Variants in CDH7 observed in about 807,000 individuals in gnomAD.
CDH7 encodes the protein cadherin 7.
Under a neutral mutation model 71.8 loss-of-function variants are expected in CDH7, and 25 were observed. That is an observed-to-expected ratio of 0.35 (90% CI 0.25 to 0.49). CDH7 has a LOEUF of 0.49. Ranked by LOEUF, CDH7 falls within the 20% of genes least tolerant of loss-of-function variation. The pLI, the probability that CDH7 is intolerant of heterozygous loss-of-function variation, is 0.99. For synonymous variants in CDH7, 381 were observed against 363.8 expected, an observed-to-expected ratio of 1.05 and a Z score of -0.54; for missense variants, 862 against 974.6, an observed-to-expected ratio of 0.88 and a Z score of 1.54.
intron 1 of CDH7, among the ~76,000 whole-genome samples, chr18:65,762,294 A>G (rs1490830803): frequency 6.6e-6 from 1 of 152,010 alleles, no homozygotes. Flanking sequence ...AATATAAAAG[A>G]AAAAAAATAA....
chr18:65,821,133 A>AAAC (rs1167110944), intron 4 of CDH7, among the ~76,000 whole-genome samples: 2 of 24,712 alleles, frequency 8.1e-5, no homozygotes, highest in Non-Finnish European at 4.1e-4. Context: ...ACAAACAAAC[A>AAAC]AAAAAAAAAA....
At chr18:65,792,080 C>A (rs1341990378) in intron 2 of CDH7, among the ~76,000 whole-genome samples, 1 of 151,342 alleles carries the variant, frequency 6.6e-6, no homozygotes, top group Non-Finnish European at 1.5e-5. Context: ...CATGTTAGAT[C>A]TTTTTCTTAA....
chr18:65,794,919 G>A (rs971018034), intron 2 of CDH7, among the ~76,000 whole-genome samples: 3 of 152,064 alleles, frequency 2.0e-5, no homozygotes, highest in South Asian at 2.1e-4. Flanking sequence ...AAGAATTAAA[G>A]GTCCCTTTAC....
intron 3 of CDH7, among the ~76,000 whole-genome samples, chr18:65,812,128 C>T (rs1911566093): frequency 1.3e-5 from 2 of 151,686 alleles, no homozygotes; most frequent in Non-Finnish European, 2.9e-5. Context: ...ACCACCACTC[C>T]CAGCTAATTT....
At chr18:65,870,521 T>C (rs910880608) in intron 11 of CDH7, among the ~76,000 whole-genome samples, 4 of 152,132 alleles carry the variant, frequency 2.6e-5, no homozygotes, top group Admixed American at 6.5e-5. Context: ...ATGTTTCTCA[T>C]GGTCCACAAA....
intron 2 of CDH7, among the ~76,000 whole-genome samples, chr18:65,798,222 CA>C (rs149331859): frequency 0.031 from 4,649 of 152,038 alleles, 251 homozygotes; most frequent in African/African-American, 0.1. Context: ...CATTTGAGAG[CA>C]TGGAAAAATA....
chr18:65,775,969 A>G (rs1909926107), intron 2 of CDH7, among the ~76,000 whole-genome samples: 3 of 152,216 alleles, frequency 2.0e-5, no homozygotes, highest in African/African-American at 7.2e-5. Flanking sequence ...TTTGAAATAT[A>G]GAAAGTATTA....
In CDH7 at chr18:65,859,714, C is replaced by A; in HGVS notation, c.1501C>A (p.Gln501Lys). ...TTACTTTCTCTTTTCCTAGGTTATC[C>A]AGAAAATCAGTGCTGTGGATAAAGA... ...CENAQPGQVI[Q>K]KISAVDKDEP... The change falls in exon 10 of 12, where the codon CAG (glutamine) becomes AAG (lysine). Residue 501 changes from glutamine (Q) to lysine (K), a missense_variant. Gln to Lys is a moderately conservative substitution (Grantham distance 53). Coordinates refer to ENST00000397968, the MANE Select transcript of CDH7 (RefSeq NM_004361.5). 6.3e-7 allele frequency: 1 copy of A among 1,594,140 alleles called. No individual in the cohort carries two copies. The highest frequency in any genetic ancestry group is 8.6e-7 in the Non-Finnish European group (1 of 1,162,050).
chr18:65,823,463 T>C (rs1912012598), intron 5 of CDH7, among the ~76,000 whole-genome samples: 1 of 151,956 alleles, frequency 6.6e-6, no homozygotes. Flanking sequence ...TAGGCCATTA[T>C]AGATCCCTTC....
At chr18:65,795,825 G>C (rs58324021) in intron 2 of CDH7, among the ~76,000 whole-genome samples, 6,766 of 152,138 alleles carry the variant, frequency 0.044, 497 homozygotes, top group African/African-American at 0.15. Flanking sequence ...GAGGGATCCA[G>C]TGGGAGGTAA....
At chr18:65,780,783 T>A (rs1910152147) in intron 2 of CDH7, among the ~76,000 whole-genome samples, 1 of 152,070 alleles carries the variant, frequency 6.6e-6, no homozygotes, top group Non-Finnish European at 1.5e-5. Flanking sequence ...GACTTGGCAA[T>A]GCGGGCTCTT....
intron 2 of CDH7, among the ~76,000 whole-genome samples, chr18:65,804,776 G>A (rs1468967148): frequency 6.6e-6 from 1 of 151,356 alleles, no homozygotes; most frequent in African/African-American, 2.4e-5. Flanking sequence ...AAAAGCTGAG[G>A]AAACAGGAGT....
At chr18:65,860,007 T>C (rs762746177) in intron 10 of CDH7, among the ~76,000 whole-genome samples, 182 bp downstream of exon 10, 2 of 152,202 alleles carry the variant, frequency 1.3e-5, no homozygotes, top group African/African-American at 2.4e-5. Context: ...AGCTGCTATT[T>C]AAATTTTCTT....
At chr18:65,878,247 C>A (rs1321466579) in intron 11 of CDH7, among the ~76,000 whole-genome samples, 3 of 152,176 alleles carry the variant, frequency 2.0e-5, no homozygotes, top group Non-Finnish European at 4.4e-5. Context: ...ACCTTAAAAA[C>A]AAACTGCTCT....
intron 11 of CDH7, among the ~76,000 whole-genome samples, chr18:65,878,190 G>A (rs781479645): frequency 1.5e-4 from 23 of 151,928 alleles, no homozygotes; most frequent in Non-Finnish European, 2.4e-4. Flanking sequence ...TTTAATCTTT[G>A]GTACATATGC....
In CDH7 at chr18:65,859,041, G is replaced by C. The variant is rs1377353310; in HGVS notation, c.1489G>C (p.Gly497Arg). ...ETTVCENAQP[G>R]QVIQKISAVD... The stretch of plus-strand genomic sequence containing the variant: ...CACCGTCTGTGAAAATGCCCAGCCG[G>C]GGCAGGTAAGAGTCTTCAGAACACT... Residue 497 changes from glycine (G) to arginine (R), a missense_variant, in exon 9 of 12, where the codon GGG becomes CGG. Transcript: ENST00000397968. 6.2e-7 allele frequency: 1 copy of C among 1,613,264 alleles called. No homozygotes were observed. Among genetic ancestry groups the C allele is most frequent in the Non-Finnish European group, 8.5e-7 (1 of 1,179,434 alleles).
intron 7 of CDH7, among the ~76,000 whole-genome samples, chr18:65,857,315 TCTATAA>T (rs1356024987): frequency 1.1e-5 from 1 of 93,130 alleles, no homozygotes; most frequent in Non-Finnish European, 2.1e-5. Flanking sequence ...AGACCCTGCA[TCTATAA>T]TAATAATAAT....
At chr18:65,788,335 TG>T (rs1446115652) in intron 2 of CDH7, among the ~76,000 whole-genome samples, 3 of 152,186 alleles carry the variant, frequency 2.0e-5, no homozygotes, top group African/African-American at 7.2e-5. Flanking sequence ...GAAAAATATG[TG>T]GTCATCATCA....
At chr18:65,876,499 C>A (rs1005638801) in intron 11 of CDH7, among the ~76,000 whole-genome samples, 1 of 152,130 alleles carries the variant, frequency 6.6e-6, no homozygotes, top group Non-Finnish European at 1.5e-5. Context: ...TCACCTCTTT[C>A]TTTGCCCTCC....
Sources: gnomAD v4.1 joint callset for allele counts (sites outside exome capture counted in the v4.1 genomes callset) on GRCh38, gnomAD v4.1.1 for gene constraint, MANE v1.5 for transcripts, NCBI Gene and HGNC (gene_info 2026-07-23, HGNC 2026-07-21) for gene names.